The following STK32A variants were observed in gnomAD, a reference collection of about 807,000 sequenced individuals.
STK32A encodes the protein serine/threonine kinase 32A.
Under a neutral mutation model 53.2 loss-of-function variants are expected in STK32A, and 41 were observed. That is an observed-to-expected ratio of 0.77 (90% CI 0.60 to 1.00). The LOEUF is 1.00. Ranked by LOEUF, STK32A falls within the 50% of genes least tolerant of loss-of-function variation. The pLI is 0.00. For missense variants in STK32A, 458 were observed against 485.8 expected (o/e 0.94, Z 0.54); for synonymous variants, 166 against 162.8 (o/e 1.02, Z -0.15).
chr5:147,334,608 T>C (rs981575438), intron 5 of STK32A, among the ~76,000 whole-genome samples: 2 of 152,222 alleles, frequency 1.3e-5, no homozygotes, highest in Admixed American at 1.3e-4. Flanking sequence ...ACCTAGTTCA[T>C]AAGGTTGTTT....
intron 2 of STK32A, among the ~76,000 whole-genome samples, chr5:147,275,299 T>C (rs1336784799): frequency 6.6e-6 from 1 of 151,882 alleles, no homozygotes; most frequent in Non-Finnish European, 1.5e-5. Flanking sequence ...AAAAAGGGAC[T>C]GTCAGGATTG....
chr5:147,256,176 T>C (rs1754227392), intron 2 of STK32A, among the ~76,000 whole-genome samples: 1 of 152,198 alleles, frequency 6.6e-6, no homozygotes, highest in African/African-American at 2.4e-5. Flanking sequence ...GCTCACTGCA[T>C]CCCTTCAGGT....
chr5:147,380,647 A>C (rs182641774), intron 11 of STK32A, among the ~76,000 whole-genome samples: 12 of 152,312 alleles, frequency 7.9e-5, no homozygotes, highest in South Asian at 2.1e-4. Flanking sequence ...TGAAAAAGTC[A>C]TCAATAGATG....
At chr5:147,293,129 T>C (rs371989975) in intron 4 of STK32A, among the ~76,000 whole-genome samples, 56 of 152,256 alleles carry the variant, frequency 3.7e-4, no homozygotes, top group African/African-American at 1.2e-3. Context: ...TTATGAAGAA[T>C]CTAAGTAAAA....
At chr5:147,236,902 A>T (rs1473889978) in intron 1 of STK32A, among the ~76,000 whole-genome samples, 1 of 152,228 alleles carries the variant, frequency 6.6e-6, no homozygotes, top group East Asian at 1.9e-4. Context: ...GTGAAGAAAG[A>T]TATAAGAATG....
At chr5:147,335,804 T>C (rs572152467) in intron 5 of STK32A, among the ~76,000 whole-genome samples, 8 of 152,232 alleles carry the variant, frequency 5.3e-5, no homozygotes, top group South Asian at 2.1e-4. Context: ...TGTGTGTGTG[T>C]GCGCGCGTGC....
At chr5:147,397,368 T>C in the STK32A span, among the ~76,000 whole-genome samples, 1 of 152,166 alleles carries the variant, frequency 6.6e-6, no homozygotes, top group Admixed American at 6.6e-5. Context: ...AGTCATTTAT[T>C]TTTTAAAAAA....
In STK32A at chr5:147,337,690, C is replaced by T. The variant is rs146815770; in HGVS notation, c.435-5316C>T. Among the ~76,000 whole-genome samples the T allele has an allele frequency of 4.1e-4, 62 of 151,980 alleles. 1 individual carries two copies. Among genetic ancestry groups the T allele is most frequent in the African/African-American group, 1.4e-3 (58 of 41,440 alleles). The stretch of plus-strand genomic sequence containing the variant: ...AGAAAAGAAGTCCTTTCACTTAGAA[C>T]TTACGTCCTAGTGGGGGTTGGGGGT... On this transcript the variant is annotated intron_variant, in intron 5 of 12. Transcript: ENST00000397936.
chr5:147,363,326 A>G (rs759876233), intron 8 of STK32A, among the ~76,000 whole-genome samples: 26 of 140,614 alleles, frequency 1.8e-4, no homozygotes, highest in Non-Finnish European at 2.4e-4. Context: ...CTAGATCTAC[A>G]CAGGCATGGG....
chr5:147,325,346 T>C (rs1019520789), intron 5 of STK32A, among the ~76,000 whole-genome samples: 3 of 151,856 alleles, frequency 2.0e-5, no homozygotes, highest in Non-Finnish European at 4.4e-5. Context: ...AGAGATGGGG[T>C]TTCACCATGT....
At chr5:147,338,076 A>G (rs1755226091) in intron 5 of STK32A, among the ~76,000 whole-genome samples, 1 of 152,198 alleles carries the variant, frequency 6.6e-6, no homozygotes, top group Admixed American at 6.5e-5. Context: ...GGAATTCATC[A>G]TTAGCTATCT....
At chr5:147,364,564 T>C (rs1419177653) in intron 8 of STK32A, among the ~76,000 whole-genome samples, 1 of 152,198 alleles carries the variant, frequency 6.6e-6, no homozygotes, top group Non-Finnish European at 1.5e-5. Context: ...TACCACAGAA[T>C]TGGTGGCTTA....
intron 2 of STK32A, 149 bp downstream of exon 2, chr5:147,239,835 AG>A: frequency 1.6e-6 from 1 of 624,794 alleles, no homozygotes; most frequent in South Asian, 2.0e-5. Flanking sequence ...AGGACTTTGT[AG>A]GCTCATAGCT....
intron 5 of STK32A, among the ~76,000 whole-genome samples, chr5:147,325,110 A>G (rs768957901): frequency 2.6e-5 from 4 of 152,176 alleles, no homozygotes; most frequent in Admixed American, 6.5e-5. Flanking sequence ...CACATTACTT[A>G]CACATATGAA....
At chr5:147,393,815 G>T in the STK32A span, 1 of 562,948 alleles carries the variant, frequency 1.8e-6, no homozygotes, top group Non-Finnish European at 3.2e-6. Flanking sequence ...ATGGGGGGAG[G>T]GGAGTCAAAC....
intron 2 of STK32A, among the ~76,000 whole-genome samples, chr5:147,258,921 T>A (rs34008203): frequency 0.24 from 36,343 of 151,936 alleles, 4,822 homozygotes; most frequent in Admixed American, 0.33. Flanking sequence ...ATGGCTTTTT[T>A]TTATTATTAT....
intron 5 of STK32A, among the ~76,000 whole-genome samples, chr5:147,331,134 T>C (rs1437290788): frequency 3.9e-5 from 6 of 152,262 alleles, no homozygotes; most frequent in African/African-American, 1.4e-4. Context: ...CTCAGGTTTC[T>C]GAAGCCTGTG....
At chr5:147,345,962 T>C (rs1426215181) in intron 6 of STK32A, among the ~76,000 whole-genome samples, 1 of 152,236 alleles carries the variant, frequency 6.6e-6, no homozygotes, top group Non-Finnish European at 1.5e-5. Flanking sequence ...CAAAAAAGAC[T>C]GAGAGCCATT....
intron 4 of STK32A, among the ~76,000 whole-genome samples, chr5:147,280,190 T>C (rs1014552648): frequency 3.3e-5 from 5 of 151,832 alleles, no homozygotes; most frequent in Admixed American, 1.3e-4. Context: ...TAAAATTCCA[T>C]AGGGAGAAGC....
Sources: allele counts gnomAD v4.1 joint callset (sites outside exome capture counted in the v4.1 genomes callset), GRCh38; gene constraint gnomAD v4.1.1; transcripts MANE v1.5; gene names NCBI Gene and HGNC (gene_info 2026-07-23, HGNC 2026-07-21).